STRIP1: variants seen among roughly 807,000 people sequenced by gnomAD.
The protein encoded by STRIP1 is striatin interacting protein 1.
In STRIP1, 63 loss-of-function variants were observed where a neutral mutation model predicts 106.2. The ratio of observed to expected loss-of-function variants is 0.59; its 90% CI spans 0.48 to 0.73. The LOEUF (loss-of-function observed/expected upper bound fraction) is 0.73. Ranked by LOEUF, STRIP1 falls within the 30% of genes least tolerant of loss-of-function variation. The probability of loss-of-function intolerance (pLI) is 0.00; values close to 1 mark genes in which losing one functional copy is unlikely to be tolerated. For missense variants in STRIP1, 857 were observed against 1,074.8 expected (o/e 0.80, Z 2.83); for synonymous variants, 390 against 413.0 (o/e 0.94, Z 0.67).
At chr1:110,046,778 G>GC (rs1424024743) in intron 13 of STRIP1, 27 bp downstream of exon 13, 4 of 1,585,120 alleles carry the variant, frequency 2.5e-6, no homozygotes, top group Non-Finnish European at 3.5e-6. Context: ...CAGTCCGGGC[G>GC]CGGTGGCTCA....
intron 9 of STRIP1, among the ~76,000 whole-genome samples, 182 bp downstream of exon 9, chr1:110,043,452 C>T (rs185224529): frequency 8.5e-5 from 13 of 152,342 alleles, no homozygotes; most frequent in African/African-American, 2.6e-4. Flanking sequence ...GTGCTCAGCA[C>T]GTGGTGCTTT....
intron 16 of STRIP1, 32 bp from the exon 17 acceptor site, chr1:110,049,428 T>C (rs1421994103): frequency 6.7e-6 from 3 of 448,914 alleles, no homozygotes; most frequent in Non-Finnish European, 6.1e-6. Flanking sequence ...GGCCGCGCCT[T>C]TTTTTTTTTT....
intron 2 of STRIP1, 100 bp from the exon 3 acceptor site, chr1:110,038,583 A>G (rs1652607327): frequency 4.6e-6 from 4 of 872,382 alleles, no homozygotes; most frequent in South Asian, 3.1e-5. Flanking sequence ...TCAGGGGCAG[A>G]GTTGAGAGTG....
At chr1:110,035,191 A>G (rs1652387475) in intron 1 of STRIP1, among the ~76,000 whole-genome samples, 1 of 151,880 alleles carries the variant, frequency 6.6e-6, no homozygotes, top group East Asian at 1.9e-4. Context: ...CGCGCCCCCA[A>G]CCTAATCATC....
chr1:110,051,813 G>A lies in STRIP1; in HGVS notation c.2192G>A (p.Ser731Asn), dbSNP rs1423690711. 5 of 1,613,562 alleles carry A rather than the reference G, an allele frequency of 3.1e-6. No individual in the cohort carries two copies. The highest frequency in any genetic ancestry group is 4.2e-6 in the Non-Finnish European group (5 of 1,180,044). The change falls in exon 20 of 21, where the codon AGC (serine) becomes AAC (asparagine). Residue 731 changes from serine to asparagine, a missense_variant. By Grantham distance (46) the Ser-to-Asn change is conservative. This residue lies in a region of STRIP1 where 750 missense variants were observed against 989.8 expected (regional missense o/e 0.76). Transcript: ENST00000369795. ...TACTTGGGGCGGCAGTGGCGAAAGA[G>A]CAACATGAAGACCATGTCTGCCATC... ...TKYLGRQWRK[S>N]NMKTMSAIYQ...
chr1:110,051,753 T>C lies in STRIP1; in HGVS notation c.2132T>C (p.Leu711Pro). Residue 711 changes from leucine to proline, a missense_variant, in exon 20 of 21, where the codon CTC becomes CCC. This residue lies in a region of STRIP1 where 750 missense variants were observed against 989.8 expected (regional missense o/e 0.76). Coordinates refer to ENST00000369795, the MANE Select transcript of STRIP1 (RefSeq NM_033088.4). ...ALKVKQAMMQ[L>P]YVLKLLKVQT... Reference sequence around the variant, plus strand: ...AAGGTGAAACAAGCCATGATGCAGCTCTATGTGCTGAAGCTGCTCAAGGTA... The same window carrying C: ...AAGGTGAAACAAGCCATGATGCAGCCCTATGTGCTGAAGCTGCTCAAGGTA... 1 of 1,613,820 alleles carries C rather than the reference T, an allele frequency of 6.2e-7. No homozygotes were observed. The highest frequency in any genetic ancestry group is 1.1e-5 in the South Asian group (1 of 91,042).
In STRIP1 at chr1:110,047,872, G is replaced by A. The variant is rs1293509463; in HGVS notation, c.1661+3G>A. 1 of 1,555,156 alleles carries A rather than the reference G, an allele frequency of 6.4e-7. No homozygotes were observed. The stretch of plus-strand genomic sequence containing the variant: ...GACGTCTTGCCTGAGGAGATGCCGT[G>A]AGTATCATTCTGTGAATGAAGCAGG... On this transcript the variant is annotated splice_donor_region_variant and intron_variant, in intron 15 of 20. Coordinates refer to ENST00000369795, the MANE Select transcript of STRIP1 (RefSeq NM_033088.4).
At chr1:110,038,996 C>A in intron 3 of STRIP1, 176 bp from the exon 4 acceptor site, 1 of 813,548 alleles carries the variant, frequency 1.2e-6, no homozygotes. Context: ...ACCCAAAATA[C>A]CAGCGTTTCA....
intron 20 of STRIP1, among the ~76,000 whole-genome samples, chr1:110,053,159 C>T (rs946930150): frequency 2.6e-5 from 4 of 152,222 alleles, no homozygotes; most frequent in Admixed American, 6.5e-5. Flanking sequence ...ACTCTTCTTT[C>T]GCCCACAGTG....
chr1:110,043,034 G>T, intron 8 of STRIP1, 54 bp from the exon 9 acceptor site: 3 of 1,525,964 alleles, frequency 2.0e-6, no homozygotes, highest in Non-Finnish European at 2.7e-6. Flanking sequence ...CAATGGTCAG[G>T]GGCCAGCCTG....
chr1:110,034,493 G>T (rs1652332269), upstream of STRIP1: 9 of 865,174 alleles, frequency 1.0e-5, no homozygotes, highest in Non-Finnish European at 1.5e-5. Context: ...ACAGAATATC[G>T]CGAGGTATTG....
At position 110,051,030 on chromosome 1, in the gene STRIP1, G is replaced by A. The variant is rs1278619155; in HGVS notation, c.2031G>A (p.Lys677=). 7 of 1,613,416 alleles carry A rather than the reference G, an allele frequency of 4.3e-6. No homozygotes were observed. Among genetic ancestry groups the A allele is most frequent in the Non-Finnish European group, 5.1e-6 (6 of 1,179,412 alleles). ...TCAATCTGCTTCGGATCTTGAACAAGCTGACAAAGTGGAAGCATTCAAGGA... is the reference window on the plus strand; with the variant it reads ...TCAATCTGCTTCGGATCTTGAACAAACTGACAAAGTGGAAGCATTCAAGGA... ...SCINLLRILN[K]LTKWKHSRTM... is the part of the protein sequence containing the mutation. The change falls in exon 19 of 21, where the codon AAG becomes AAA. Residue 677 remains lysine, a synonymous_variant. Transcript: ENST00000369795.
chr1:110,042,449 G>C (rs909387232), intron 8 of STRIP1, among the ~76,000 whole-genome samples: 4 of 152,170 alleles, frequency 2.6e-5, no homozygotes, highest in Non-Finnish European at 5.9e-5. Context: ...CTACACTGGG[G>C]CTCATCCTTC....
chr1:110,044,920 A>G lies in STRIP1; in HGVS notation c.1352+15A>G. 6.2e-7 allele frequency: 1 copy of G among 1,614,134 alleles called. No individual in the cohort carries two copies. Among genetic ancestry groups the G allele is most frequent in the Non-Finnish European group, 8.5e-7 (1 of 1,179,994 alleles). ...ACTCTAGGCAGGTGAGTAAAAGCCG[A>G]GTTCATTTTGCTGTTAGCTCTCCCG... On this transcript the variant is annotated intron_variant, in intron 11 of 20. Transcript: ENST00000369795.
chr1:110,040,262 A>G (rs72976676), intron 5 of STRIP1, among the ~76,000 whole-genome samples: 7,423 of 151,854 alleles, frequency 0.049, 544 homozygotes, highest in African/African-American at 0.16. Flanking sequence ...GCTCATTGCA[A>G]CCTCCACCTC....
At chr1:110,041,290 C>G (rs1652744962) in intron 6 of STRIP1, 1 of 368,650 alleles carries the variant, frequency 2.7e-6, no homozygotes, top group Non-Finnish European at 4.9e-6. Context: ...CATCATAAAC[C>G]CTGTTTTTGT....
chr1:110,037,744 C>G (rs968343232), intron 1 of STRIP1, 147 bp from the exon 2 acceptor site: 4 of 557,012 alleles, frequency 7.2e-6, no homozygotes, highest in Non-Finnish European at 1.3e-5. Flanking sequence ...GTATAGGATA[C>G]TCTGAGAGGT....
chr1:110,040,685 C>G lies in STRIP1; in HGVS notation c.632C>G (p.Ala211Gly). 6.2e-7 allele frequency: 1 copy of G among 1,611,878 alleles called. No individual in the cohort carries two copies. Among genetic ancestry groups the G allele is most frequent in the African/African-American group, 1.3e-5 (1 of 74,994 alleles). ...SAVRKPAISL[A>G]DSTDLRVLLN... ...GTGAGGAAGCCTGCCATCTCCCTGG[C>G]TGACAGCACAGACCTCAGGTGAGGC... is the stretch of plus-strand genomic sequence containing the variant. The change falls in exon 6 of 21, where the codon GCT becomes GGT. Residue 211 changes from alanine to glycine, a missense_variant. Around this residue, in one of 2 missense-constraint regions of STRIP1, gnomAD observed 750 missense variants for 989.8 expected, o/e 0.76. Coordinates refer to ENST00000369795, the MANE Select transcript of STRIP1 (RefSeq NM_033088.4).
intron 20 of STRIP1, 89 bp downstream of exon 20, chr1:110,051,976 C>A: frequency 7.3e-7 from 1 of 1,369,682 alleles, no homozygotes; most frequent in Non-Finnish European, 1.0e-6. Flanking sequence ...TCAGGTACTT[C>A]TCTGCCCTGA....
Sources: allele counts gnomAD v4.1 joint callset (sites outside exome capture counted in the v4.1 genomes callset), GRCh38; gene constraint gnomAD v4.1.1; regional missense constraint gnomAD v4.1.1; transcripts MANE v1.5; gene names NCBI Gene and HGNC (gene_info 2026-07-23, HGNC 2026-07-21).